PACRG: variants seen among roughly 807,000 people sequenced by gnomAD.
PACRG encodes parkin coregulated.
PACRG carries 29 observed loss-of-function variants against 29.7 expected under a neutral mutation model. That is an observed-to-expected ratio of 0.98 (90% CI 0.73 to 1.33). The LOEUF (loss-of-function observed/expected upper bound fraction) is 1.33. Among genes scored for constraint, PACRG ranks in the 40% most tolerant of loss-of-function variants. The pLI, the probability that PACRG is intolerant of heterozygous loss-of-function variation, is 0.00. For missense variants in PACRG, 279 were observed against 316.2 expected (o/e 0.88, Z 0.89); for synonymous variants, 116 against 118.7 (o/e 0.98, Z 0.15).
At chr6:162,918,677 G>A (rs1443566588) in intron 2 of PACRG, among the ~76,000 whole-genome samples, 2 of 152,156 alleles carry the variant, frequency 1.3e-5, no homozygotes, top group South Asian at 2.1e-4. Flanking sequence ...CAACACATAT[G>A]TATTAGTTCA....
intron 1 of PACRG, among the ~76,000 whole-genome samples, chr6:162,737,956 T>A (rs1180629782): frequency 6.6e-6 from 1 of 152,172 alleles, no homozygotes; most frequent in Non-Finnish European, 1.5e-5. Context: ...AATCATGTTC[T>A]TCTACATTTT....
chr6:163,011,937 A>G (rs1805657471), intron 2 of PACRG, among the ~76,000 whole-genome samples: 1 of 152,196 alleles, frequency 6.6e-6, no homozygotes. Context: ...GAAGGTCTTC[A>G]GGGGCAATGG....
At chr6:163,095,763 C>T (rs938154000) in intron 4 of PACRG, among the ~76,000 whole-genome samples, 2 of 152,162 alleles carry the variant, frequency 1.3e-5, no homozygotes, top group African/African-American at 4.8e-5. Flanking sequence ...TAAGGGCCCA[C>T]CCTACTCCAA....
intron 4 of PACRG, among the ~76,000 whole-genome samples, chr6:163,249,417 T>C (rs1782819108): frequency 2.0e-5 from 3 of 152,222 alleles, no homozygotes; most frequent in Non-Finnish European, 4.4e-5. Context: ...TTTGATTTGT[T>C]TGGGGCCAAA....
At chr6:162,780,386 T>C (rs998459940) in intron 1 of PACRG, among the ~76,000 whole-genome samples, 3 of 152,194 alleles carry the variant, frequency 2.0e-5, no homozygotes, top group African/African-American at 7.2e-5. Flanking sequence ...AAGTTAACCA[T>C]GTTCCAGAGA....
intron 2 of PACRG, among the ~76,000 whole-genome samples, chr6:162,947,345 G>C (rs1393594924): frequency 9.2e-3 from 43 of 4,666 alleles, no homozygotes; most frequent in Non-Finnish European, 0.038. Context: ...TATATATAAT[G>C]ATTACATATA....
intron 2 of PACRG, among the ~76,000 whole-genome samples, chr6:162,989,902 C>T (rs1331218447): frequency 6.6e-6 from 1 of 151,980 alleles, no homozygotes; most frequent in Non-Finnish European, 1.5e-5. Flanking sequence ...CCCGACCCCA[C>T]CACAGTCCCC....
chr6:163,196,216 G>A (rs1265217313), intron 4 of PACRG, among the ~76,000 whole-genome samples: 1 of 152,254 alleles, frequency 6.6e-6, no homozygotes, highest in Non-Finnish European at 1.5e-5. Context: ...AGCACATGGA[G>A]ACTCTAATCA....
intron 2 of PACRG, among the ~76,000 whole-genome samples, chr6:162,934,211 C>T (rs536720209): frequency 2.6e-5 from 4 of 151,450 alleles, no homozygotes; most frequent in South Asian, 4.2e-4. Flanking sequence ...TGCAGTGAGC[C>T]GAGATCATGC....
intron 2 of PACRG, among the ~76,000 whole-genome samples, chr6:163,033,092 A>G (rs1181003583): frequency 1.3e-5 from 2 of 152,198 alleles, no homozygotes; most frequent in Non-Finnish European, 2.9e-5. Context: ...AAAAAATTAC[A>G]TTTCCATGCC....
At chr6:162,837,902 A>T (rs1048764245) in intron 2 of PACRG, among the ~76,000 whole-genome samples, 1 of 152,166 alleles carries the variant, frequency 6.6e-6, no homozygotes, top group Non-Finnish European at 1.5e-5. Context: ...ATATTTAAAT[A>T]AATTATAGGT....
At chr6:162,733,530 C>T (rs1042991495) in intron 1 of PACRG, among the ~76,000 whole-genome samples, 1 of 152,252 alleles carries the variant, frequency 6.6e-6, no homozygotes. Flanking sequence ...AGCCCAGAAG[C>T]TCCCTTTAAA....
At chr6:162,755,769 CTA>C (rs1781869534) in intron 1 of PACRG, among the ~76,000 whole-genome samples, 2 of 152,164 alleles carry the variant, frequency 1.3e-5, no homozygotes, top group African/African-American at 4.8e-5. Flanking sequence ...ACACTTATCA[CTA>C]TAAATTTCCC....
At chr6:162,801,704 A>G (rs996517371) in intron 1 of PACRG, among the ~76,000 whole-genome samples, 1 of 152,180 alleles carries the variant, frequency 6.6e-6, no homozygotes, top group Non-Finnish European at 1.5e-5. Flanking sequence ...ATTTCAAAAC[A>G]GGAAATATGA....
intron 2 of PACRG, among the ~76,000 whole-genome samples, chr6:162,857,543 A>C (rs1292161842): frequency 6.6e-6 from 1 of 152,184 alleles, no homozygotes; most frequent in African/African-American, 2.4e-5. Flanking sequence ...GCACCCAGGA[A>C]GGCTATGATT....
At chr6:163,175,744 A>AAGGAGGAGGAGGAGGAGGAGGAGG (rs3061922) in intron 4 of PACRG, among the ~76,000 whole-genome samples, 33 of 136,922 alleles carry the variant, frequency 2.4e-4, no homozygotes, top group African/African-American at 7.5e-4. Flanking sequence ...GCACCTGTCA[A>AAGGAGGAGGAGGAGGAGGAGGAGG]AGGAGGAGGA....
At chr6:163,272,757 C>A (rs1783880208) in intron 4 of PACRG, among the ~76,000 whole-genome samples, 1 of 152,014 alleles carries the variant, frequency 6.6e-6, no homozygotes, top group African/African-American at 2.4e-5. Context: ...TTGTCCAGTG[C>A]TTTATCAACA....
At chr6:163,139,547 C>G (rs151172430) in intron 4 of PACRG, among the ~76,000 whole-genome samples, 14 of 152,080 alleles carry the variant, frequency 9.2e-5, no homozygotes, top group Middle Eastern at 6.8e-3. Flanking sequence ...TCAGAGGAGA[C>G]AGTTGACATA....
intron 2 of PACRG, among the ~76,000 whole-genome samples, chr6:163,052,680 C>G (rs1810141765): frequency 6.6e-6 from 1 of 152,196 alleles, no homozygotes; most frequent in Non-Finnish European, 1.5e-5. Context: ...AAACCTCTTT[C>G]ATTTATAAAT....
Sources: gnomAD v4.1 joint callset for allele counts (sites outside exome capture counted in the v4.1 genomes callset) on GRCh38, gnomAD v4.1.1 for gene constraint, MANE v1.5 for transcripts, NCBI Gene and HGNC (gene_info 2026-07-23, HGNC 2026-07-21) for gene names.